The following KCTD1 variants were observed in gnomAD, a reference collection of about 807,000 sequenced individuals.
KCTD1 encodes the protein BTB/POZ domain-containing protein KCTD1.
Under a neutral mutation model 66.0 loss-of-function variants are expected in KCTD1, and 24 were observed. The ratio of observed to expected loss-of-function variants is 0.36; its 90% CI spans 0.26 to 0.51. KCTD1 has a LOEUF of 0.51. KCTD1 is among the 20% of genes least tolerant of loss of function. KCTD1 has a pLI of 0.95. For missense variants in KCTD1, 943 were observed against 1,205.2 expected (o/e 0.78, Z 3.22); for synonymous variants, 511 against 517.2 (o/e 0.99, Z 0.16).
intron 1 of KCTD1, among the ~76,000 whole-genome samples, chr18:26,505,462 G>A (rs763397716): frequency 1.4e-4 from 22 of 152,254 alleles, no homozygotes; most frequent in African/African-American, 2.2e-4. Flanking sequence ...GAATACAGAC[G>A]AAGAACCCGG....
In KCTD1 at chr18:26,514,180, A is replaced by C. The variant is rs753111375; in HGVS notation, c.1810-12930T>G. Among the ~76,000 whole-genome samples the C allele has an allele frequency of 7.2e-5, 11 of 152,250 alleles. No homozygotes were observed. The South Asian group carries it at 1.7e-3, about 23-fold the overall frequency. ...TATAAAGTGATGCTTTTAAAAAATAAAGTAACGATCTCTTGTAAGCAGAAT... is the reference window on the plus strand; with the variant it reads ...TATAAAGTGATGCTTTTAAAAAATACAGTAACGATCTCTTGTAAGCAGAAT... On this transcript the variant is annotated intron_variant, in intron 1 of 4. Coordinates refer to ENST00000580059, the MANE Select transcript of KCTD1 (RefSeq NM_001142730.3).
chr18:26,606,652 G>A (rs935012402), intron 1 of KCTD1, among the ~76,000 whole-genome samples: 6 of 152,358 alleles, frequency 3.9e-5, no homozygotes, highest in Admixed American at 2.6e-4. Context: ...GTGCAGTGCT[G>A]CACATCATCC....
intron 3 of KCTD1, among the ~76,000 whole-genome samples, chr18:26,462,387 ACT>A (rs1240824715): frequency 3.3e-5 from 5 of 151,582 alleles, no homozygotes; most frequent in Admixed American, 2.0e-4. Flanking sequence ...GTGTTCTTTT[ACT>A]CTCTCTTGAT....
intron 1 of KCTD1, among the ~76,000 whole-genome samples, chr18:26,554,084 CAGAA>C (rs1237710159): frequency 1.7e-5 from 2 of 118,060 alleles, no homozygotes; most frequent in Non-Finnish European, 3.7e-5. Flanking sequence ...TTCAATAATT[CAGAA>C]AGAAAGAAAA....
At chr18:26,479,077 G>A (rs1037850461) in intron 2 of KCTD1, among the ~76,000 whole-genome samples, 5 of 152,228 alleles carry the variant, frequency 3.3e-5, no homozygotes, top group African/African-American at 1.2e-4. Flanking sequence ...GGGTGTGGAT[G>A]CAATGAGGCA....
chr18:26,633,045 C>G (rs1351984860), upstream of KCTD1, among the ~76,000 whole-genome samples: 2 of 151,910 alleles, frequency 1.3e-5, no homozygotes, highest in Admixed American at 6.6e-5. Flanking sequence ...TAAAAAAGAA[C>G]AGTGCAAGGG....
At chr18:26,472,442 A>T (rs897402025) in intron 3 of KCTD1, among the ~76,000 whole-genome samples, 12 of 152,240 alleles carry the variant, frequency 7.9e-5, no homozygotes, top group Non-Finnish European at 1.6e-4. Flanking sequence ...TAATGACTTA[A>T]GTCATATGTG....
chr18:26,603,751 A>AAAATAAATAAAT (rs71266966), intron 1 of KCTD1, among the ~76,000 whole-genome samples: 2 of 146,766 alleles, frequency 1.4e-5, no homozygotes, highest in South Asian at 2.2e-4. Flanking sequence ...TCAAAAAAAT[A>AAAATAAATAAAT]AAATAAATAA....
chr18:26,587,501 G>A (rs114227877), intron 1 of KCTD1, among the ~76,000 whole-genome samples: 1,609 of 152,184 alleles, frequency 0.011, 11 homozygotes, highest in African/African-American at 0.019. Context: ...TGACTTTTGC[G>A]TCTTATTATT....
intron 1 of KCTD1, among the ~76,000 whole-genome samples, chr18:26,652,262 G>C (rs1988051285): frequency 6.6e-6 from 1 of 152,108 alleles, no homozygotes; most frequent in Admixed American, 6.5e-5. Flanking sequence ...CATTTTTATA[G>C]AGAAAAAGGA....
At chr18:26,632,237 T>A (rs1400279483), upstream of KCTD1, among the ~76,000 whole-genome samples, 4 of 151,824 alleles carry the variant, frequency 2.6e-5, no homozygotes, top group Non-Finnish European at 5.9e-5. Flanking sequence ...ATACAAAAAA[T>A]TAGCTTGGCA....
At chr18:26,497,803 T>C (rs1441634644) in intron 2 of KCTD1, among the ~76,000 whole-genome samples, 2 of 152,112 alleles carry the variant, frequency 1.3e-5, no homozygotes, top group African/African-American at 4.8e-5. Context: ...CTTAAAGATA[T>C]CTCCTAATGA....
At chr18:26,518,389 C>G (rs1041522565) in intron 1 of KCTD1, among the ~76,000 whole-genome samples, 2 of 152,030 alleles carry the variant, frequency 1.3e-5, no homozygotes, top group African/African-American at 2.4e-5. Context: ...GCCTCAGCCT[C>G]CTGAGTAGCT....
At chr18:26,482,417 G>T (rs1159249700) in intron 2 of KCTD1, among the ~76,000 whole-genome samples, 2 of 152,122 alleles carry the variant, frequency 1.3e-5, no homozygotes, top group Non-Finnish European at 2.9e-5. Flanking sequence ...ATGGGAAAGA[G>T]GATTCTCAGG....
chr18:26,555,741 G>T (rs1985691947), intron 1 of KCTD1, among the ~76,000 whole-genome samples: 1 of 152,200 alleles, frequency 6.6e-6, no homozygotes. Context: ...GAAGAAAGAA[G>T]TTCAATTAGG....
rs191378185 is a variant in KCTD1 at position 26,533,362 on chromosome 18, C to G, written c.1809+13366G>C. ...AACTGAGCAAGTATTTTATTTCAGT[C>G]AAGTAGGAAAAGGGGGCTAAGAGAA... On this transcript the variant is annotated intron_variant, in intron 1 of 4. Transcript: ENST00000580059. Among the ~76,000 whole-genome samples the G allele has an allele frequency of 2.1e-3, 320 of 152,286 alleles. 1 individual carries two copies. Among genetic ancestry groups the G allele is most frequent in the Non-Finnish European group, 3.9e-3 (262 of 68,034 alleles).
intron 1 of KCTD1, among the ~76,000 whole-genome samples, chr18:26,527,492 A>AAGG (rs1555639037): frequency 9.1e-5 from 10 of 109,504 alleles, no homozygotes; most frequent in African/African-American, 2.0e-4. Flanking sequence ...CAAAAAAAAA[A>AAGG]GGGGGGGGGG....
intron 1 of KCTD1, among the ~76,000 whole-genome samples, chr18:26,535,374 G>C (rs1984649200): frequency 6.6e-6 from 1 of 152,128 alleles, no homozygotes. Context: ...CACAGAAACA[G>C]AGGACTGGTC....
chr18:26,496,740 GCA>G (rs111233653), intron 2 of KCTD1, among the ~76,000 whole-genome samples: 4,334 of 147,922 alleles, frequency 0.029, 100 homozygotes, highest in Middle Eastern at 0.081. Flanking sequence ...AAAAGCATGT[GCA>G]CACACACACA....
Sources: gnomAD v4.1 joint callset for allele counts (sites outside exome capture counted in the v4.1 genomes callset) on GRCh38, gnomAD v4.1.1 for gene constraint, MANE v1.5 for transcripts, NCBI Gene and HGNC (gene_info 2026-07-23, HGNC 2026-07-21) for gene names.